PRTFDC1: variants seen among roughly 807,000 people sequenced by gnomAD.
PRTFDC1 encodes the protein phosphoribosyltransferase domain-containing protein 1.
Under a neutral mutation model 34.6 loss-of-function variants are expected in PRTFDC1, and 38 were observed. The observed-to-expected ratio is 1.10, with a 90% CI of 0.85 to 1.44. The LOEUF (loss-of-function observed/expected upper bound fraction) is 1.44. Ranked by LOEUF, PRTFDC1 falls within the 40% of genes most tolerant of loss-of-function variation. PRTFDC1 has a pLI of 0.00. For synonymous variants in PRTFDC1, 93 were observed against 98.1 expected, an observed-to-expected ratio of 0.95 and a Z score of 0.31; for missense variants, 270 against 283.0, an observed-to-expected ratio of 0.95 and a Z score of 0.33.
At chr10:24,898,363 C>T (rs1172609664) in intron 3 of PRTFDC1, among the ~76,000 whole-genome samples, 1 of 146,746 alleles carries the variant, frequency 6.8e-6, no homozygotes, top group Non-Finnish European at 1.5e-5. Context: ...ACTCGGGAGG[C>T]TGAGATGGGA....
At position 24,912,382 on chromosome 10, in the gene PRTFDC1, T is replaced by C. The variant is rs909951038; in HGVS notation, c.339+24802A>G. On this transcript the variant is annotated intron_variant, in intron 3 of 8. Coordinates refer to ENST00000320152, the MANE Select transcript of PRTFDC1 (RefSeq NM_020200.7). Reference sequence around the variant, plus strand: ...ATCAGCAGTGTAGGGGAGTTCCAACTTTACTTCCTCAACCAACAACTGTTC... The same window carrying C: ...ATCAGCAGTGTAGGGGAGTTCCAACCTTACTTCCTCAACCAACAACTGTTC... Among the ~76,000 whole-genome samples the C allele has an allele frequency of 4.0e-5, 6 of 148,762 alleles. No individual in the cohort carries two copies. The Admixed American group carries it at 4.0e-4, about 10-fold the overall frequency.
chr10:24,865,872 C>T (rs966625473), intron 4 of PRTFDC1, among the ~76,000 whole-genome samples: 17 of 152,072 alleles, frequency 1.1e-4, no homozygotes, highest in African/African-American at 2.9e-4. Flanking sequence ...TGAATATAAA[C>T]CCCATGGAAA....
At position 24,875,846 on chromosome 10, in the gene PRTFDC1, G is replaced by GTT. The variant is rs61379088; in HGVS notation, c.340-3785_340-3784dup. Reference sequence around the variant, plus strand: ...AAATCATATTGTTATAATTCTCATAGTTTTTTTTTTTTTTTTTTTTTTTTT... The same window carrying GTT: ...AAATCATATTGTTATAATTCTCATAGTTTTTTTTTTTTTTTTTTTTTTTTTTT... On this transcript the variant is annotated intron_variant, in intron 3 of 8. Coordinates refer to ENST00000320152, the MANE Select transcript of PRTFDC1 (RefSeq NM_020200.7). 1.1e-3 allele frequency among the ~76,000 whole-genome samples: 102 copies of GTT among 96,720 alleles called. 1 individual carries two copies. The highest frequency in any genetic ancestry group is 1.7e-3 in the Non-Finnish European group (88 of 51,854). The allele number at this position is 96,720 out of a possible 152,430, so 63.5% of individuals were successfully genotyped here. A position where few individuals can be genotyped will look rare whatever the true frequency, so the allele number is the denominator to read the frequency against.
In PRTFDC1 at chr10:24,904,206, C is replaced by T. The variant is rs566488715; in HGVS notation, c.340-32143G>A. On this transcript the variant is annotated intron_variant, in intron 3 of 8. Coordinates refer to ENST00000320152, the MANE Select transcript of PRTFDC1 (RefSeq NM_020200.7). Reference sequence around the variant, plus strand: ...ACAAAGGGAGTTGTTTCAGTACCGGCCCTGAGTGGGCTGCACATTTATACC... The same window carrying T: ...ACAAAGGGAGTTGTTTCAGTACCGGTCCTGAGTGGGCTGCACATTTATACC... Among the ~76,000 whole-genome samples the T allele has an allele frequency of 2.0e-5, 3 of 151,946 alleles. 1 individual carries two copies. The South Asian group carries it at 6.3e-4, about 32-fold the overall frequency.
chr10:24,885,705 A>G (rs1170086850), intron 3 of PRTFDC1, among the ~76,000 whole-genome samples: 1 of 152,212 alleles, frequency 6.6e-6, no homozygotes, highest in Non-Finnish European at 1.5e-5. Flanking sequence ...GCACCTGGCC[A>G]GCAGCTTTAT....
intron 3 of PRTFDC1, among the ~76,000 whole-genome samples, chr10:24,886,956 C>T (rs372638835): frequency 2.3e-5 from 2 of 86,410 alleles, no homozygotes; most frequent in Non-Finnish European, 4.2e-5. Context: ...AATACTCCTT[C>T]TTTTTTTTTT....
chr10:24,904,828 A>C (rs983190219), intron 3 of PRTFDC1, among the ~76,000 whole-genome samples: 7 of 152,088 alleles, frequency 4.6e-5, no homozygotes, highest in African/African-American at 1.7e-4. Context: ...CTCCACCTTC[A>C]ACCCCATTTC....
At chr10:24,869,321 A>C (rs945136648) in intron 4 of PRTFDC1, among the ~76,000 whole-genome samples, 3 of 151,964 alleles carry the variant, frequency 2.0e-5, no homozygotes, top group Non-Finnish European at 4.4e-5. Context: ...CAGCAACTAT[A>C]ATGTAAATGC....
intron 3 of PRTFDC1, among the ~76,000 whole-genome samples, chr10:24,903,202 A>C (rs892942659): frequency 6.6e-6 from 1 of 152,202 alleles, no homozygotes; most frequent in African/African-American, 2.4e-5. Flanking sequence ...GTGAAACTGC[A>C]TCTCAAGAAA....
intron 3 of PRTFDC1, among the ~76,000 whole-genome samples, chr10:24,886,956 CT>C (rs57910963): frequency 3.1e-4 from 27 of 86,406 alleles, no homozygotes; most frequent in African/African-American, 9.3e-4. Flanking sequence ...AATACTCCTT[CT>C]TTTTTTTTTT....
chr10:24,942,278 G>T, intron 2 of PRTFDC1, 52 bp downstream of exon 2: 1 of 1,423,312 alleles, frequency 7.0e-7, no homozygotes, highest in South Asian at 1.1e-5. Context: ...ATTCACACAA[G>T]TGTGGGCCGG....
intron 7 of PRTFDC1, among the ~76,000 whole-genome samples, chr10:24,854,326 T>G (rs181307121): frequency 1.7e-4 from 26 of 152,330 alleles, no homozygotes; most frequent in African/African-American, 6.3e-4. Flanking sequence ...GATGAGAACA[T>G]GCGATTGGGT....
At chr10:24,869,227 T>G (rs538321452) in intron 4 of PRTFDC1, among the ~76,000 whole-genome samples, 46 of 152,226 alleles carry the variant, frequency 3.0e-4, no homozygotes, top group African/African-American at 1.1e-3. Flanking sequence ...CTTTTTTTTT[T>G]TTAACCTTAC....
At chr10:24,895,253 C>CTTTTTTTT (rs60331186) in intron 3 of PRTFDC1, among the ~76,000 whole-genome samples, 12,441 of 104,596 alleles carry the variant, frequency 0.12, 1,576 homozygotes, top group African/African-American at 0.24. Flanking sequence ...TCTCCACTTT[C>CTTTTTTTT]TTTTTTTTTT....
At chr10:24,951,270 T>C (rs1355387568) in intron 1 of PRTFDC1, among the ~76,000 whole-genome samples, 2 of 152,042 alleles carry the variant, frequency 1.3e-5, no homozygotes, top group Non-Finnish European at 2.9e-5. Flanking sequence ...CTCCTCCTAT[T>C]GCACATATCT....
At chr10:24,849,991 A>G (rs1198216926) in intron 8 of PRTFDC1, 100 bp from the exon 9 acceptor site, 1 of 1,082,988 alleles carries the variant, frequency 9.2e-7, no homozygotes, top group South Asian at 1.3e-5. Context: ...GTAATTGGCT[A>G]TTGATCATTT....
chr10:24,867,458 T>C lies in PRTFDC1; in HGVS notation c.405+4540A>G, dbSNP rs76665788. Among the ~76,000 whole-genome samples the C allele has an allele frequency of 2.4e-3, 363 of 152,324 alleles. 8 individuals carry two copies. The East Asian group carries it at 0.062, about 26-fold the overall frequency. Reference sequence around the variant, plus strand: ...CTCCATGATGTCATCTCTGCTCAAATACTTTTGTGTCTCCTGTTTGCTTTG... The same window carrying C: ...CTCCATGATGTCATCTCTGCTCAAACACTTTTGTGTCTCCTGTTTGCTTTG... On this transcript the variant is annotated intron_variant, in intron 4 of 8. Coordinates refer to ENST00000320152, the MANE Select transcript of PRTFDC1 (RefSeq NM_020200.7).
At chr10:24,943,493 T>C (rs551741090) in intron 1 of PRTFDC1, among the ~76,000 whole-genome samples, 2 of 152,038 alleles carry the variant, frequency 1.3e-5, no homozygotes, top group Non-Finnish European at 1.5e-5. Flanking sequence ...GATGTAACAA[T>C]GAAGTGTTAC....
chr10:24,857,897 A>G (rs1240287522), intron 5 of PRTFDC1, among the ~76,000 whole-genome samples: 1 of 152,192 alleles, frequency 6.6e-6, no homozygotes, highest in Non-Finnish European at 1.5e-5. Context: ...AAAGTTAAAA[A>G]AAACGAAAAA....
Sources: allele counts gnomAD v4.1 joint callset (sites outside exome capture counted in the v4.1 genomes callset), GRCh38; gene constraint gnomAD v4.1.1; transcripts MANE v1.5; gene names NCBI Gene and HGNC (gene_info 2026-07-23, HGNC 2026-07-21).